Variants in HEATR5B observed in about 807,000 individuals in gnomAD.
HEATR5B encodes the protein HEAT repeat-containing protein 5B.
HEATR5B carries 156 observed loss-of-function variants against 224.1 expected under a neutral mutation model. That is an observed-to-expected ratio of 0.70 (90% CI 0.61 to 0.80). The LOEUF (loss-of-function observed/expected upper bound fraction) is 0.80. Ranked by LOEUF, HEATR5B falls within the 30% of genes least tolerant of loss-of-function variation. HEATR5B has a pLI of 0.00. For synonymous variants in HEATR5B, 1,027 were observed against 893.0 expected (o/e 1.15, Z -2.68); for missense variants, 2,323 against 2,535.5 (o/e 0.92, Z 1.80).
intron 26 of HEATR5B, among the ~76,000 whole-genome samples, chr2:37,018,685 G>A (rs1332370596): frequency 1.3e-5 from 2 of 152,146 alleles, no homozygotes; most frequent in African/African-American, 4.8e-5. Context: ...TGGATTCTAA[G>A]CAAAAATGAT....
chr2:36,986,573 G>T (rs552145545), intron 35 of HEATR5B, among the ~76,000 whole-genome samples: 12 of 152,128 alleles, frequency 7.9e-5, no homozygotes, highest in Admixed American at 7.9e-4. Flanking sequence ...GAAAAAACAG[G>T]TACAGTTTGT....
chr2:37,083,276 A>T lies in HEATR5B; in HGVS notation c.126+13T>A. ...CACGTTAATGCAACTGGGAAAAAAG[A>T]GCAATACCATACCTTGTTGGCAGCA... On this transcript the variant is annotated intron_variant, in intron 2 of 35. Transcript: ENST00000233099. 1 of 1,613,816 alleles carries T rather than the reference A, an allele frequency of 6.2e-7. No individual in the cohort carries two copies. Among genetic ancestry groups the T allele is most frequent in the African/African-American group, 1.3e-5 (1 of 75,034 alleles).
chr2:37,037,145 G>GAGATGGATATATATATATAT lies in HEATR5B; in HGVS notation c.3216+709_3216+710insATATATATATATATCCATCT. ...TTCCGAGTAGGAAAACTAAAAATGT[G>GAGATGGATATATATATATAT]ATATATATATATATTTTGGAGATGG... On this transcript the variant is annotated intron_variant, in intron 21 of 35. Coordinates refer to ENST00000233099, the MANE Select transcript of HEATR5B (RefSeq NM_019024.3). 2.9e-3 allele frequency among the ~76,000 whole-genome samples: 257 copies of GAGATGGATATATATATATAT among 89,182 alleles called. 38 individuals are homozygous for GAGATGGATATATATATATAT. The highest frequency in any genetic ancestry group is 0.016 in the East Asian group (32 of 1,946). The allele number at this position is 89,182 out of a possible 152,430, so 58.5% of individuals were successfully genotyped here.
At chr2:37,029,390 G>A (rs147005938) in intron 22 of HEATR5B, among the ~76,000 whole-genome samples, 203 of 152,264 alleles carry the variant, frequency 1.3e-3, no homozygotes, top group African/African-American at 4.5e-3. Context: ...AAGGCTGGGC[G>A]CAGTGGCTCA....
intron 25 of HEATR5B, 78 bp downstream of exon 25, chr2:37,020,577 T>G: frequency 2.0e-6 from 2 of 1,013,144 alleles, no homozygotes; most frequent in Non-Finnish European, 2.8e-6. Context: ...CCAAATGCAG[T>G]CCTCCAGGAA....
intron 33 of HEATR5B, among the ~76,000 whole-genome samples, chr2:36,998,338 T>G (rs1331987852): frequency 6.6e-6 from 1 of 152,178 alleles, no homozygotes; most frequent in Non-Finnish European, 1.5e-5. Context: ...TAATGCAAAT[T>G]AAAACCGTAA....
rs1185209492 is a variant in HEATR5B, at chr2:37,064,761, G to A, written c.1563C>T (p.Gly521=). ...LLGGVHQCPL[G]IPHAKGKMVV... ...ATACCTTTCCTTTGGCATGAGGAAT[G>A]CCCAAAGGACACTGATGTACTCCAC... Residue 521 remains glycine (G), a synonymous_variant, in exon 10 of 36, where the codon GGC becomes GGT. Transcript: ENST00000233099. The A allele has an allele frequency of 6.2e-7, 1 of 1,613,854 alleles. No homozygotes were observed. Among genetic ancestry groups the A allele is most frequent in the Non-Finnish European group, 8.5e-7 (1 of 1,179,936 alleles).
rs746830526 is a variant in HEATR5B at position 37,075,522 on chromosome 2, G to C, written c.560C>G (p.Thr187Ser). 1.2e-6 allele frequency: 2 copies of C among 1,614,064 alleles called. No individual in the cohort carries two copies. Among genetic ancestry groups the C allele is most frequent in the Non-Finnish European group, 8.5e-7 (1 of 1,179,942 alleles). Residue 187 changes from threonine (T) to serine (S), a missense_variant, in exon 5 of 36, where the codon ACT becomes AGT. Thr to Ser is a moderately conservative substitution (Grantham distance 58). Around this residue, in one of 12 missense-constraint regions of HEATR5B, gnomAD observed 292 missense variants for 332.6 expected, o/e 0.88. Transcript: ENST00000233099. ...ACATCGAACAGCCATTGACCTATCAGTCAAGAGAGACCTGGCATTCTTGTA... is the reference window on the plus strand; with the variant it reads ...ACATCGAACAGCCATTGACCTATCACTCAAGAGAGACCTGGCATTCTTGTA... ...DIYKNARSLL[T>S]DRSMAVRCAV... is the part of the protein sequence containing the mutation.
chr2:37,037,720 T>A, intron 21 of HEATR5B, 135 bp downstream of exon 21: 1 of 442,128 alleles, frequency 2.3e-6, no homozygotes, highest in East Asian at 3.5e-5. Flanking sequence ...GTGATTATTA[T>A]ATACTGTAGG....
intron 35 of HEATR5B, among the ~76,000 whole-genome samples, chr2:36,982,616 T>C (rs956200208): frequency 2.0e-5 from 3 of 152,140 alleles, no homozygotes; most frequent in Non-Finnish European, 4.4e-5. Flanking sequence ...AAGCATCTGG[T>C]AGAGAATGTG....
intron 8 of HEATR5B, among the ~76,000 whole-genome samples, chr2:37,067,887 A>G (rs558187724): frequency 1.3e-5 from 2 of 152,320 alleles, no homozygotes; most frequent in Admixed American, 6.5e-5. Flanking sequence ...TTTCATACAT[A>G]TATCTCTAAA....
At chr2:37,029,333 C>CT (rs1299578696) in intron 22 of HEATR5B, among the ~76,000 whole-genome samples, 1 of 152,218 alleles carries the variant, frequency 6.6e-6, no homozygotes, top group Non-Finnish European at 1.5e-5. Context: ...AACACAAACT[C>CT]TAAGTGGATT....
intron 33 of HEATR5B, among the ~76,000 whole-genome samples, chr2:36,999,398 C>A (rs1572763855): frequency 6.6e-6 from 1 of 151,816 alleles, no homozygotes; most frequent in Middle Eastern, 3.4e-3. Flanking sequence ...TGGAGAGAGG[C>A]CGGGCACAGT....
At chr2:37,015,144 G>C (rs936903041) in intron 26 of HEATR5B, among the ~76,000 whole-genome samples, 1 of 152,160 alleles carries the variant, frequency 6.6e-6, no homozygotes, top group Non-Finnish European at 1.5e-5. Context: ...GGAATGTTTA[G>C]GTGTCAAAGA....
Position 37,064,989 on chromosome 2 carries a change from C to A in HEATR5B, c.1335G>T (p.Gly445=). ...GCACTGAAGTCACAATCTCCAAAAGCCCTAAACAAGAAATACTCAAAATAT... is the reference window on the plus strand; with the variant it reads ...GCACTGAAGTCACAATCTCCAAAAGACCTAAACAAGAAATACTCAAAATAT... ...ASPLIQEASI[G]LLEIVTSVLL... is the part of the protein sequence containing the mutation. Residue 445 remains glycine, a splice_region_variant and synonymous_variant, in exon 10 of 36, where the codon GGG becomes GGT. Transcript: ENST00000233099. 2 of 1,613,368 alleles carry A rather than the reference C, an allele frequency of 1.2e-6. No individual in the cohort carries two copies. Among genetic ancestry groups the A allele is most frequent in the Non-Finnish European group, 1.7e-6 (2 of 1,179,460 alleles).
At chr2:36,986,514 T>G (rs1665954515) in intron 35 of HEATR5B, among the ~76,000 whole-genome samples, 1 of 152,244 alleles carries the variant, frequency 6.6e-6, no homozygotes, top group Non-Finnish European at 1.5e-5. Flanking sequence ...CTTTTCCAAT[T>G]TTCTGTGAAA....
At chr2:37,041,600 A>C (rs1669874846) in intron 18 of HEATR5B, among the ~76,000 whole-genome samples, 1 of 152,040 alleles carries the variant, frequency 6.6e-6, no homozygotes. Flanking sequence ...TAAAAACTTA[A>C]TCTGTCATGG....
chr2:37,014,309 G>A (rs1212900871), intron 26 of HEATR5B, among the ~76,000 whole-genome samples: 12 of 151,800 alleles, frequency 7.9e-5, no homozygotes, highest in South Asian at 4.2e-4. Context: ...CTACAGGCGC[G>A]TGCCACCACA....
At position 37,059,554 on chromosome 2, in the gene HEATR5B, C is replaced by T. The variant is rs569147326; in HGVS notation, c.1850-567G>A. 1.8e-3 allele frequency among the ~76,000 whole-genome samples: 259 copies of T among 147,218 alleles called. 1 individual carries two copies. Among genetic ancestry groups the T allele is most frequent in the African/African-American group, 6.3e-3 (253 of 39,942 alleles). ...TCTCGGCTCACTGCAACCTCCACGTCCTAGGTTCAAGCAATTCTCCTGACT... is the reference window on the plus strand; with the variant it reads ...TCTCGGCTCACTGCAACCTCCACGTTCTAGGTTCAAGCAATTCTCCTGACT... On this transcript the variant is annotated intron_variant, in intron 12 of 35. Transcript: ENST00000233099.
Sources: gnomAD v4.1 joint callset for allele counts (sites outside exome capture counted in the v4.1 genomes callset) on GRCh38, gnomAD v4.1.1 for gene constraint, gnomAD v4.1.1 regional missense constraint, MANE v1.5 for transcripts, NCBI Gene and HGNC (gene_info 2026-07-23, HGNC 2026-07-21) for gene names.